Variants in CELF4 observed in about 807,000 individuals in gnomAD.
CELF4 encodes CUG-BP- and ETR-3-like factor 4.
A neutral mutation model predicts 59.9 loss-of-function variants in CELF4; 18 were observed. The ratio of observed to expected loss-of-function variants is 0.30; its 90% CI spans 0.21 to 0.45. The LOEUF is 0.45. CELF4 is among the 20% of genes least tolerant of loss of function. CELF4 has a pLI of 1.00. For synonymous variants in CELF4, 261 were observed against 267.1 expected (o/e 0.98, Z 0.22); for missense variants, 456 against 689.0 (o/e 0.66, Z 3.79).
At chr18:37,310,269 G>A (rs1379926565) in intron 3 of CELF4, among the ~76,000 whole-genome samples, 5 of 152,206 alleles carry the variant, frequency 3.3e-5, no homozygotes, top group East Asian at 3.9e-4. Context: ...TTGGCGGGCA[G>A]TGAAGCCCAG....
At chr18:37,448,457 C>T (rs971834903) in intron 2 of CELF4, among the ~76,000 whole-genome samples, 5 of 152,258 alleles carry the variant, frequency 3.3e-5, no homozygotes, top group Admixed American at 2.0e-4. Context: ...TGCCTTCACA[C>T]GGTATGGCCC....
chr18:37,368,047 AG>A (rs1414471709), intron 2 of CELF4, among the ~76,000 whole-genome samples: 2 of 152,136 alleles, frequency 1.3e-5, no homozygotes, highest in Admixed American at 1.3e-4. Context: ...ATAAAGAGCC[AG>A]GTTCCAGCAC....
intron 1 of CELF4, 36 bp from the exon 2 acceptor site, chr18:37,485,643 G>T: frequency 1.5e-6 from 2 of 1,319,230 alleles, no homozygotes; most frequent in South Asian, 2.0e-5. Context: ...AGGGTCAGTG[G>T]GGCGCCCCCG....
At chr18:37,543,185 G>T (rs1387119175) in intron 1 of CELF4, among the ~76,000 whole-genome samples, 1 of 152,176 alleles carries the variant, frequency 6.6e-6, no homozygotes, top group Non-Finnish European at 1.5e-5. Context: ...AGGGTTAGAG[G>T]CTGTGAAACA....
chr18:37,531,233 C>T (rs898648489), intron 1 of CELF4, among the ~76,000 whole-genome samples: 2 of 152,148 alleles, frequency 1.3e-5, no homozygotes, highest in African/African-American at 4.8e-5. Context: ...CAGGTTCCAG[C>T]CTCAGCTGGG....
intron 2 of CELF4, among the ~76,000 whole-genome samples, chr18:37,388,174 G>C (rs2099119845): frequency 6.6e-6 from 1 of 152,096 alleles, no homozygotes; most frequent in Non-Finnish European, 1.5e-5. Context: ...TTCTCTAAAG[G>C]GAAAAAGAAA....
In CELF4 at chr18:37,244,556, C is replaced by CT. The variant is rs200346603; in HGVS notation, c.*685dup. The CT allele has an allele frequency of 0.11, 16,136 of 142,390 alleles. 1,074 individuals are homozygous for CT. Among genetic ancestry groups the CT allele is most frequent in the Middle Eastern group, 0.14 (39 of 284 alleles). The allele number at this position is 142,390 out of a possible 1,614,324, so 8.8% of individuals were successfully genotyped here. ...TAAAAGCATTGAAGCGTTATTTTTC[C>CT]TTTTTTTGTTGTTTTTTTTGTTTTT... On this transcript the variant is annotated 3_prime_UTR_variant, in exon 13 of 13. Transcript: ENST00000420428.
rs2092864649 is a variant in CELF4 at position 37,275,124 on chromosome 18, T to G, written c.568A>C (p.Asn190His). ...GCCCCGCCCCGCGCACCCTTGCTGT[T>G]GCCGTCGGGCCCGCGCAGGATGGTG... ...ECTILRGPDG[N>H]SKGCAFVKYS... Residue 190 changes from asparagine to histidine, a missense_variant, in exon 4 of 13, where the codon AAC (asparagine) becomes CAC (histidine). By Grantham distance (68) the Asn-to-His change is moderately conservative. Around this residue, in one of 7 missense-constraint regions of CELF4, gnomAD observed 56 missense variants for 92.0 expected, o/e 0.61. Coordinates refer to ENST00000420428, the MANE Select transcript of CELF4 (RefSeq NM_020180.4). 1 of 1,613,234 alleles carries G rather than the reference T, an allele frequency of 6.2e-7. No individual in the cohort carries two copies. Among genetic ancestry groups the G allele is most frequent in the Non-Finnish European group, 8.5e-7 (1 of 1,179,816 alleles).
chr18:37,414,559 T>G (rs1244653750), intron 2 of CELF4, among the ~76,000 whole-genome samples: 4 of 142,624 alleles, frequency 2.8e-5, no homozygotes, highest in Non-Finnish European at 6.0e-5. Context: ...TGGAGTGCAG[T>G]GGCGCGATCT....
At chr18:37,376,019 T>C (rs1162319428) in intron 2 of CELF4, among the ~76,000 whole-genome samples, 1 of 152,178 alleles carries the variant, frequency 6.6e-6, no homozygotes, top group African/African-American at 2.4e-5. Flanking sequence ...CAGATGTTAA[T>C]TGCAATGGAA....
At chr18:37,346,035 C>T (rs1028844101) in intron 2 of CELF4, among the ~76,000 whole-genome samples, 14 of 152,168 alleles carry the variant, frequency 9.2e-5, no homozygotes, top group African/African-American at 2.2e-4. Context: ...CTCCAAATGG[C>T]GCCCTCCTGG....
intron 10 of CELF4, among the ~76,000 whole-genome samples, chr18:37,259,613 G>C (rs11663755): frequency 0.025 from 3,866 of 152,262 alleles, 74 homozygotes; most frequent in Middle Eastern, 0.051. Flanking sequence ...TGAAGATAGG[G>C]AAGGCCCAGG....
intron 2 of CELF4, among the ~76,000 whole-genome samples, chr18:37,450,152 A>T (rs1016919994): frequency 1.3e-5 from 2 of 151,956 alleles, no homozygotes; most frequent in Non-Finnish European, 1.5e-5. Context: ...GTGTATTTAT[A>T]TGTGTGTGTG....
chr18:37,427,402 TG>T (rs1363879106), intron 2 of CELF4, among the ~76,000 whole-genome samples: 1 of 152,100 alleles, frequency 6.6e-6, no homozygotes, highest in Non-Finnish European at 1.5e-5. Flanking sequence ...CAGGGCTGCA[TG>T]GGGGATTTGC....
intron 2 of CELF4, among the ~76,000 whole-genome samples, chr18:37,378,307 A>G (rs1400526264): frequency 6.6e-6 from 1 of 152,102 alleles, no homozygotes; most frequent in Non-Finnish European, 1.5e-5. Flanking sequence ...ATGGCCCGAC[A>G]GTGGCTCCGC....
intron 3 of CELF4, among the ~76,000 whole-genome samples, chr18:37,315,232 T>C (rs1044098601): frequency 6.6e-6 from 1 of 152,086 alleles, no homozygotes; most frequent in African/African-American, 2.4e-5. Flanking sequence ...TTCCACTTGG[T>C]TCTCATGTGG....
intron 2 of CELF4, among the ~76,000 whole-genome samples, chr18:37,323,375 A>G (rs920095095): frequency 6.6e-6 from 1 of 152,186 alleles, no homozygotes; most frequent in Non-Finnish European, 1.5e-5. Context: ...AAGCCCTGGC[A>G]GCAGAGAACT....
chr18:37,360,920 T>C (rs2098693605), intron 2 of CELF4, among the ~76,000 whole-genome samples: 1 of 152,234 alleles, frequency 6.6e-6, no homozygotes, highest in South Asian at 2.1e-4. Flanking sequence ...ATGAGCCTGT[T>C]ATCTTTGTCT....
intron 2 of CELF4, among the ~76,000 whole-genome samples, chr18:37,349,330 A>C (rs1294092525): frequency 6.6e-6 from 1 of 152,150 alleles, no homozygotes; most frequent in Non-Finnish European, 1.5e-5. Context: ...TGGGGGGAGA[A>C]ACTGGAAACT....
Sources: allele counts gnomAD v4.1 joint callset (sites outside exome capture counted in the v4.1 genomes callset), GRCh38; gene constraint gnomAD v4.1.1; regional missense constraint gnomAD v4.1.1; transcripts MANE v1.5; gene names NCBI Gene and HGNC (gene_info 2026-07-23, HGNC 2026-07-21).